The following PPIL6 variants were observed in gnomAD, a reference collection of about 807,000 sequenced individuals.
PPIL6 encodes peptidylprolyl isomerase like 6.
In PPIL6, 39 loss-of-function variants were observed where a neutral mutation model predicts 36.8. The observed-to-expected ratio is 1.06, with a 90% CI of 0.82 to 1.38. The LOEUF is 1.38. Among genes scored for constraint, PPIL6 ranks in the 40% most tolerant of loss-of-function variants. The pLI, the probability that PPIL6 is intolerant of heterozygous loss-of-function variation, is 0.00. For synonymous variants in PPIL6, 123 were observed against 134.1 expected (o/e 0.92, Z 0.57); for missense variants, 368 against 379.1 (o/e 0.97, Z 0.24).
At chr6:109,405,059 G>GAAAA in intron 6 of PPIL6, 2 of 347,008 alleles carry the variant, frequency 5.8e-6, no homozygotes, top group Admixed American at 3.9e-5. Context: ...CTCAAAAAAG[G>GAAAA]AAAAAAAAAA....
intron 2 of PPIL6, among the ~76,000 whole-genome samples, chr6:109,434,127 T>A (rs957460375): frequency 1.3e-5 from 2 of 152,316 alleles, no homozygotes; most frequent in African/African-American, 4.8e-5. Context: ...TATTGTTTTA[T>A]ATTAGGGTGA....
chr6:109,403,754 C>T (rs1331719126), intron 6 of PPIL6, among the ~76,000 whole-genome samples: 1 of 152,092 alleles, frequency 6.6e-6, no homozygotes, highest in Non-Finnish European at 1.5e-5. Flanking sequence ...TTAAATGATA[C>T]ATTACTTATT....
chr6:109,432,468 A>G (rs1774210170), intron 2 of PPIL6, among the ~76,000 whole-genome samples: 1 of 152,148 alleles, frequency 6.6e-6, no homozygotes, highest in South Asian at 2.1e-4. Context: ...CAGGCAAACC[A>G]TGAATAATTT....
Position 109,436,215 on chromosome 6 carries a change from G to T in PPIL6, c.136-16C>A, listed in dbSNP as rs768104934. 1.5e-6 allele frequency: 2 copies of T among 1,365,978 alleles called. No individual in the cohort carries two copies. The highest frequency in any genetic ancestry group is 3.5e-5 in the Admixed American group (2 of 57,462). 84.6% of individuals were successfully genotyped at this position (1,365,978 alleles called of 1,614,324 possible). On this transcript the variant is annotated splice_polypyrimidine_tract_variant and intron_variant, in intron 1 of 7. Transcript: ENST00000521072. Reference sequence around the variant, plus strand: ...TCTTCAGATTCTGGATTTCGAAATAGAATAATTATTTTAGAGTTAGTTCTC... The same window carrying T: ...TCTTCAGATTCTGGATTTCGAAATATAATAATTATTTTAGAGTTAGTTCTC...
chr6:109,410,107 G>A (rs951153082), intron 6 of PPIL6, among the ~76,000 whole-genome samples: 3 of 152,194 alleles, frequency 2.0e-5, no homozygotes, highest in African/African-American at 7.2e-5. Context: ...GCCTCGCTGA[G>A]CCCATCGCAG....
intron 6 of PPIL6, chr6:109,418,249 G>A (rs950661583): frequency 6.5e-6 from 1 of 153,150 alleles, no homozygotes; most frequent in Non-Finnish European, 1.5e-5. Context: ...TGTCCTGGAA[G>A]AGAGCCTTGT....
At chr6:109,416,494 C>A (rs1402307877) in intron 6 of PPIL6, among the ~76,000 whole-genome samples, 2 of 145,352 alleles carry the variant, frequency 1.4e-5, no homozygotes, top group Admixed American at 7.0e-5. Context: ...TGAGCCACTG[C>A]GCCTGGCCTT....
intron 2 of PPIL6, among the ~76,000 whole-genome samples, chr6:109,435,076 A>G (rs901075119): frequency 2.6e-5 from 4 of 152,280 alleles, no homozygotes; most frequent in African/African-American, 9.6e-5. Flanking sequence ...ACAGTCCCAC[A>G]GAAGCCCCTG....
At chr6:109,411,547 G>A (rs957259154) in intron 6 of PPIL6, among the ~76,000 whole-genome samples, 3 of 152,224 alleles carry the variant, frequency 2.0e-5, no homozygotes, top group African/African-American at 7.2e-5. Flanking sequence ...CCAGGGCACT[G>A]ACCCCAACTA....
In PPIL6 at chr6:109,397,843, A is replaced by G. The variant is rs187056195; in HGVS notation, c.824+2192T>C. Reference sequence around the variant, plus strand: ...ACATGACAGAGATTTAAATGGTCCAAGAAATGTTATTTGGATTTAAATGAT... The same window carrying G: ...ACATGACAGAGATTTAAATGGTCCAGGAAATGTTATTTGGATTTAAATGAT... On this transcript the variant is annotated intron_variant, in intron 7 of 7. Transcript: ENST00000521072. Among the ~76,000 whole-genome samples, 179 of 151,526 alleles carry G rather than the reference A, an allele frequency of 1.2e-3. 2 individuals carry two copies. Among genetic ancestry groups the G allele is most frequent in the Middle Eastern group, 3.4e-3 (1 of 294 alleles).
chr6:109,423,758 C>T (rs541255305), intron 5 of PPIL6, among the ~76,000 whole-genome samples: 5 of 152,052 alleles, frequency 3.3e-5, no homozygotes, highest in South Asian at 2.1e-4. Flanking sequence ...AAGTAGGCCT[C>T]GAGGGAGCCA....
chr6:109,402,264 A>G (rs1014656016), intron 6 of PPIL6, among the ~76,000 whole-genome samples: 33 of 152,024 alleles, frequency 2.2e-4, no homozygotes, highest in Non-Finnish European at 1.3e-4. Context: ...AGCCAGGCAC[A>G]GTGCCTCATG....
intron 6 of PPIL6, among the ~76,000 whole-genome samples, chr6:109,406,217 ATT>A (rs397887454): frequency 3.6e-5 from 5 of 140,524 alleles, no homozygotes; most frequent in Admixed American, 7.2e-5. Flanking sequence ...CGCCCAGCTA[ATT>A]TTTTTTTTTT....
chr6:109,440,176 A>T, intron 1 of PPIL6: 1 of 517,940 alleles, frequency 1.9e-6, no homozygotes, highest in Non-Finnish European at 3.7e-6. Context: ...CTCGGAGGGG[A>T]TTACCTTATC....
At chr6:109,440,413 T>C (rs749403720) in intron 1 of PPIL6, 43 bp downstream of exon 1, 1 of 1,528,312 alleles carries the variant, frequency 6.5e-7, no homozygotes, top group Non-Finnish European at 8.8e-7. Flanking sequence ...CGAGAGCGGG[T>C]AGCGGGGAGG....
chr6:109,401,974 C>G (rs1239885950), intron 6 of PPIL6, among the ~76,000 whole-genome samples: 1 of 151,994 alleles, frequency 6.6e-6, no homozygotes, highest in Non-Finnish European at 1.5e-5. Flanking sequence ...CTACCCGCCT[C>G]GGCCTCCCAA....
chr6:109,438,850 G>T (rs1466331832), intron 1 of PPIL6, among the ~76,000 whole-genome samples: 1 of 152,180 alleles, frequency 6.6e-6, no homozygotes, highest in Non-Finnish European at 1.5e-5. Context: ...GCCTCCCAAA[G>T]TGCTGGGATT....
At chr6:109,423,063 T>G (rs2115255260) in intron 5 of PPIL6, among the ~76,000 whole-genome samples, 1 of 152,242 alleles carries the variant, frequency 6.6e-6, no homozygotes, top group East Asian at 1.9e-4. Flanking sequence ...TATGTTCTCT[T>G]TAAGCAATAA....
chr6:109,407,443 G>C (rs1405925133), intron 6 of PPIL6, among the ~76,000 whole-genome samples: 1 of 152,076 alleles, frequency 6.6e-6, no homozygotes, highest in Non-Finnish European at 1.5e-5. Context: ...GTTTTGCCGT[G>C]TTAGCCAGGA....
Sources: allele counts gnomAD v4.1 joint callset (sites outside exome capture counted in the v4.1 genomes callset), GRCh38; gene constraint gnomAD v4.1.1; transcripts MANE v1.5; gene names NCBI Gene and HGNC (gene_info 2026-07-23, HGNC 2026-07-21).